MTCH2: variants seen among roughly 807,000 people sequenced by gnomAD.
The protein encoded by MTCH2 is mitochondrial carrier homolog 2.
A neutral mutation model predicts 50.6 loss-of-function variants in MTCH2; 25 were observed. The observed-to-expected ratio is 0.49, with a 90% CI of 0.36 to 0.69. MTCH2 has a LOEUF of 0.69. MTCH2 is among the 30% of genes least tolerant of loss of function. The pLI is 0.00. For synonymous variants in MTCH2, 106 were observed against 132.0 expected, an observed-to-expected ratio of 0.80 and a Z score of 1.35; for missense variants, 273 against 384.4, an observed-to-expected ratio of 0.71 and a Z score of 2.42.
chr11:47,605,986 TG>T, the MTCH2 span, among the ~76,000 whole-genome samples: 1 of 152,212 alleles, frequency 6.6e-6, no homozygotes, highest in Non-Finnish European at 1.5e-5. Flanking sequence ...TTGAGGGAAA[TG>T]TGCCCAGGAT....
At chr11:47,615,031 CTTTTTTTTTTTTT>C (rs61122824), downstream of MTCH2, among the ~76,000 whole-genome samples, 37 of 44,906 alleles carry the variant, frequency 8.2e-4, no homozygotes, top group East Asian at 0.013. Context: ...CCCAGTGAGG[CTTTTTTTTTTTTT>C]TTTTTTTTTT....
At chr11:47,608,180 C>T in the MTCH2 span, among the ~76,000 whole-genome samples, 1 of 152,136 alleles carries the variant, frequency 6.6e-6, no homozygotes, top group South Asian at 2.1e-4. Flanking sequence ...GAGCTAATGG[C>T]GACATGGGCA....
At position 47,642,518 on chromosome 11, in the gene MTCH2, T is replaced by C. The variant is rs1438360773; in HGVS notation, c.-53A>G. 5.0e-5 allele frequency: 76 copies of C among 1,518,178 alleles called. No homozygotes were observed. The highest frequency in any genetic ancestry group is 6.3e-5 in the Non-Finnish European group (71 of 1,125,508). 94.0% of individuals were successfully genotyped at this position (1,518,178 alleles called of 1,614,324 possible). ...CAGACGGAGCCACCAAGCGACCCGG[T>C]GAGCCGGTCCTAGGTCACGTGCCAG... is the stretch of plus-strand genomic sequence containing the variant. On this transcript the variant is annotated 5_prime_UTR_variant, in exon 1 of 13. Transcript: ENST00000302503.
At chr11:47,613,980 G>A (rs1412398949), downstream of MTCH2, among the ~76,000 whole-genome samples, 1 of 152,082 alleles carries the variant, frequency 6.6e-6, no homozygotes, top group Non-Finnish European at 1.5e-5. Context: ...CAGCTACTTG[G>A]GAGAGTGAGA....
chr11:47,636,255 G>T (rs766465400), intron 3 of MTCH2, among the ~76,000 whole-genome samples: 2 of 152,158 alleles, frequency 1.3e-5, no homozygotes, highest in African/African-American at 4.8e-5. Flanking sequence ...CCTACGTGGT[G>T]AAACTCCATC....
chr11:47,613,035 G>A (rs1053984114), downstream of MTCH2, among the ~76,000 whole-genome samples: 1 of 151,952 alleles, frequency 6.6e-6, no homozygotes, highest in African/African-American at 2.4e-5. Flanking sequence ...CCAAGTAGCT[G>A]GGACTACAGA....
At chr11:47,631,754 C>T (rs1236840514) in intron 5 of MTCH2, 43 bp from the exon 6 acceptor site, 9 of 1,602,090 alleles carry the variant, frequency 5.6e-6, no homozygotes, top group Non-Finnish European at 7.7e-6. Flanking sequence ...AAACAAATGA[C>T]ACTCAAATGC....
chr11:47,627,628 ATT>A (rs1275344585), intron 9 of MTCH2, among the ~76,000 whole-genome samples: 21 of 140,974 alleles, frequency 1.5e-4, no homozygotes, highest in Admixed American at 1.4e-4. Flanking sequence ...TTGAAAATTA[ATT>A]TTTTTTTTTT....
At chr11:47,624,913 C>T (rs1221664402) in intron 11 of MTCH2, among the ~76,000 whole-genome samples, 2 of 152,064 alleles carry the variant, frequency 1.3e-5, no homozygotes, top group Admixed American at 1.3e-4. Context: ...CATAGCAAGA[C>T]CCCATCTCTA....
At chr11:47,626,232 G>C (rs897605845) in intron 10 of MTCH2, among the ~76,000 whole-genome samples, 1 of 151,838 alleles carries the variant, frequency 6.6e-6, no homozygotes, top group African/African-American at 2.4e-5. Flanking sequence ...TTTTAGTAGA[G>C]ATGAGATTTC....
chr11:47,628,870 G>T, intron 9 of MTCH2, 83 bp downstream of exon 9: 1 of 1,268,426 alleles, frequency 7.9e-7, no homozygotes. Context: ...GAGCCACCTC[G>T]CCCGGCCCAT....
At chr11:47,622,498 A>C (rs1364564599) in intron 12 of MTCH2, among the ~76,000 whole-genome samples, 1 of 152,230 alleles carries the variant, frequency 6.6e-6, no homozygotes, top group Non-Finnish European at 1.5e-5. Flanking sequence ...ACTCCTGCTC[A>C]TGATTTCTAA....
At chr11:47,620,371 A>C (rs1430405739) in intron 12 of MTCH2, among the ~76,000 whole-genome samples, 2 of 152,134 alleles carry the variant, frequency 1.3e-5, no homozygotes, top group Non-Finnish European at 2.9e-5. Context: ...TGGGATGCTG[A>C]GGTGGGACGA....
intron 3 of MTCH2, among the ~76,000 whole-genome samples, 192 bp downstream of exon 3, chr11:47,638,507 C>T (rs377280306): frequency 2.7e-5 from 3 of 110,350 alleles, no homozygotes; most frequent in African/African-American, 1.1e-4. Context: ...GATCGCGCCA[C>T]TACACTCCAG....
In MTCH2 at chr11:47,642,508, A is replaced by C; in HGVS notation, c.-43T>G. 2 of 1,538,542 alleles carry C rather than the reference A, an allele frequency of 1.3e-6. No homozygotes were observed. Among genetic ancestry groups the C allele is most frequent in the Non-Finnish European group, 8.8e-7 (1 of 1,139,556 alleles). ...GACGGACAGACAGACGGAGCCACCA[A>C]GCGACCCGGTGAGCCGGTCCTAGGT... On this transcript the variant is annotated 5_prime_UTR_variant, in exon 1 of 13. Coordinates refer to ENST00000302503, the MANE Select transcript of MTCH2 (RefSeq NM_014342.4).
chr11:47,623,797 A>C (rs1417415607), intron 11 of MTCH2, among the ~76,000 whole-genome samples: 1 of 152,220 alleles, frequency 6.6e-6, no homozygotes, highest in Non-Finnish European at 1.5e-5. Flanking sequence ...CACGCCTGTA[A>C]TCCCAGCACT....
At chr11:47,638,902 A>G (rs2097311413) in intron 2 of MTCH2, 65 bp downstream of exon 2, 2 of 1,577,686 alleles carry the variant, frequency 1.3e-6, no homozygotes, top group East Asian at 2.2e-5. Flanking sequence ...TTTTCTTTCA[A>G]TAACAACTCC....
chr11:47,621,820 C>T (rs1470795832), intron 12 of MTCH2, among the ~76,000 whole-genome samples: 4 of 152,024 alleles, frequency 2.6e-5, no homozygotes, highest in Non-Finnish European at 5.9e-5. Flanking sequence ...CCTGGCTCAG[C>T]CTCCTGAGTA....
chr11:47,619,144 T>C (rs776876646), intron 12 of MTCH2, among the ~76,000 whole-genome samples: 2 of 152,256 alleles, frequency 1.3e-5, no homozygotes, highest in Non-Finnish European at 2.9e-5. Context: ...AACGCCCAGG[T>C]TGGATTCTGG....
Sources: allele counts gnomAD v4.1 joint callset (sites outside exome capture counted in the v4.1 genomes callset), GRCh38; gene constraint gnomAD v4.1.1; transcripts MANE v1.5; gene names NCBI Gene and HGNC (gene_info 2026-07-23, HGNC 2026-07-21).